Variants in NIBAN2 observed in about 807,000 individuals in gnomAD.
NIBAN2 encodes protein Niban 2.
In NIBAN2, 36 loss-of-function variants were observed where a neutral mutation model predicts 81.8. That is an observed-to-expected ratio of 0.44 (90% CI 0.34 to 0.58). The LOEUF is 0.58. Ranked by LOEUF, NIBAN2 falls within the 20% of genes least tolerant of loss-of-function variation. NIBAN2 has a pLI of 0.02. For missense variants in NIBAN2, 897 were observed against 1,014.1 expected (o/e 0.88, Z 1.57); for synonymous variants, 445 against 441.6 (o/e 1.01, Z -0.10).
chr9:127,558,213 G>T (rs1021934644), intron 1 of NIBAN2, among the ~76,000 whole-genome samples: 3 of 152,196 alleles, frequency 2.0e-5, no homozygotes, highest in Non-Finnish European at 2.9e-5. Flanking sequence ...CACAGGGCTT[G>T]CTTCTCTCCC....
chr9:127,517,809 AGCCCGTCTGGCCTCACCT>A lies in NIBAN2; in HGVS notation c.704_705+16del. The A allele has an allele frequency of 6.2e-7, 1 of 1,600,490 alleles. No individual in the cohort carries two copies. Among genetic ancestry groups the A allele is most frequent in the Non-Finnish European group, 8.6e-7 (1 of 1,169,220 alleles). On this transcript the variant is annotated splice_donor_variant and splice_donor_5th_base_variant and coding_sequence_variant and intron_variant, in exon 6 of 14. Transcript: ENST00000373312. LOFTEE classifies it high-confidence loss of function. The surrounding 1 kb of genome is among the most constrained non-coding windows in gnomAD (Gnocchi z 4.0). ...GGGTGACTTCTGAGGTTTCCTCACCAGCCCGTCTGGCCTCACCTGCACCTCGTTCCCACACAGCATCTC... is the reference window on the plus strand; with the variant it reads ...GGGTGACTTCTGAGGTTTCCTCACCAGCACCTCGTTCCCACACAGCATCTC...
intron 1 of NIBAN2, among the ~76,000 whole-genome samples, chr9:127,565,807 G>A (rs1417057074): frequency 7.1e-6 from 1 of 139,924 alleles, no homozygotes; most frequent in Non-Finnish European, 1.6e-5. Flanking sequence ...AAAAAAAGAT[G>A]TTAGTTCATG....
At chr9:127,562,064 G>A (rs1487615507) in intron 1 of NIBAN2, among the ~76,000 whole-genome samples, 1 of 152,178 alleles carries the variant, frequency 6.6e-6, no homozygotes, top group African/African-American at 2.4e-5. Flanking sequence ...GGAGGGGGGC[G>A]CAGGGACGGA....
At position 127,523,791 on chromosome 9, in the gene NIBAN2, C is replaced by A. The variant is rs528460174; in HGVS notation, c.477G>T (p.Pro159=). ...GCGCATAAGGATGCCAGAGGATGAG[C>A]GGGAACTGTGTGGGGCACTTGAGGA... ...APILKCPTQF[P]LILWHPYARH... Residue 159 remains proline, a synonymous_variant, in exon 5 of 14, where the codon CCG becomes CCT. Coordinates refer to ENST00000373312, the MANE Select transcript of NIBAN2 (RefSeq NM_022833.4). 1.7e-5 allele frequency: 28 copies of A among 1,613,906 alleles called. No homozygotes were observed. The highest frequency in any genetic ancestry group is 1.6e-4 in the Middle Eastern group (1 of 6,082).
chr9:127,562,981 C>G (rs1837798157), intron 1 of NIBAN2, among the ~76,000 whole-genome samples: 1 of 152,176 alleles, frequency 6.6e-6, no homozygotes, highest in African/African-American at 2.4e-5. Context: ...ATGATCGACA[C>G]AGATGGGAAG....
chr9:127,524,916 G>A (rs1837031236), intron 4 of NIBAN2, 142 bp downstream of exon 4: 6 of 624,322 alleles, frequency 9.6e-6, no homozygotes, highest in Non-Finnish European at 1.7e-5. Flanking sequence ...GGCAAACAAT[G>A]AGGTCTCCAT....
chr9:127,517,984 C>A lies in NIBAN2; in HGVS notation c.590-43G>T, dbSNP rs1319329109. 2.9e-6 allele frequency: 4 copies of A among 1,365,128 alleles called. No homozygotes were observed. The South Asian group carries it at 5.4e-5, about 19-fold the overall frequency. 84.6% of individuals were successfully genotyped at this position (1,365,128 alleles called of 1,614,324 possible). ...GGAGAGAGGAGGTCAGCAGATGGCC[C>A]AGTGGCCTCTACCAAGACCAACTGA... On this transcript the variant is annotated intron_variant, in intron 5 of 13. Coordinates refer to ENST00000373312, the MANE Select transcript of NIBAN2 (RefSeq NM_022833.4). This position sits in a 1 kb window ranked among gnomAD's most constrained non-coding sequence, Gnocchi z 4.0.
chr9:127,578,030 A>G (rs572532509), intron 1 of NIBAN2, among the ~76,000 whole-genome samples: 1 of 151,910 alleles, frequency 6.6e-6, no homozygotes, highest in East Asian at 1.9e-4. Flanking sequence ...CTCTACTAAA[A>G]ACACAAAAAA....
Position 127,508,307 on chromosome 9 carries a change from A to G in NIBAN2, c.1435-107T>C, listed in dbSNP as rs1836654604. On this transcript the variant is annotated intron_variant, in intron 11 of 13. Coordinates refer to ENST00000373312, the MANE Select transcript of NIBAN2 (RefSeq NM_022833.4). This position sits in a 1 kb window ranked among gnomAD's most constrained non-coding sequence, Gnocchi z 6.4. ...CCCAAGCCTCCGAGTCCTCATCCGC[A>G]CAAGAGGACCATGGCGCCTCCTTGC... 2 of 1,308,996 alleles carry G rather than the reference A, an allele frequency of 1.5e-6. No individual in the cohort carries two copies. The highest frequency in any genetic ancestry group is 1.1e-6 in the Non-Finnish European group (1 of 915,904). 81.1% of individuals were successfully genotyped at this position (1,308,996 alleles called of 1,614,324 possible).
At chr9:127,573,180 G>T (rs1475448784), upstream of NIBAN2, among the ~76,000 whole-genome samples, 2 of 152,214 alleles carry the variant, frequency 1.3e-5, no homozygotes, top group Non-Finnish European at 2.9e-5. Flanking sequence ...AAGGAAGCAA[G>T]GTGAGTCCTT....
intron 1 of NIBAN2, among the ~76,000 whole-genome samples, chr9:127,567,247 C>T (rs375755792): frequency 3.3e-5 from 5 of 152,136 alleles, no homozygotes; most frequent in Non-Finnish European, 7.4e-5. Context: ...CCAGGCCCCT[C>T]GAGGGGCCTC....
At chr9:127,515,395 C>T (rs1836807753) in intron 8 of NIBAN2, among the ~76,000 whole-genome samples, 1 of 152,032 alleles carries the variant, frequency 6.6e-6, no homozygotes. Context: ...GTGGCGGGCG[C>T]CTGTAGTCCC....
intron 1 of NIBAN2, among the ~76,000 whole-genome samples, chr9:127,577,777 T>C (rs1479947725): frequency 1.3e-5 from 2 of 152,080 alleles, no homozygotes; most frequent in Non-Finnish European, 2.9e-5. Flanking sequence ...GTGCAGTGAG[T>C]TGATCATGGC....
chr9:127,506,707 G>A lies in NIBAN2; in HGVS notation c.*138C>T, dbSNP rs1413903085. The A allele has an allele frequency of 1.4e-5, 9 of 656,206 alleles. No homozygotes were observed. The highest frequency in any genetic ancestry group is 1.9e-5 in the Non-Finnish European group (8 of 413,734). The allele number at this position is 656,206 out of a possible 1,614,324, so 40.6% of individuals were successfully genotyped here. A position where few individuals can be genotyped will look rare whatever the true frequency, so the allele number is the denominator to read the frequency against. Reference sequence around the variant, plus strand: ...CCAATAAAGTGACTCAGGTGGGCCCGCTCCCTGGCGGTGCCACACAGCCCT... The same window carrying A: ...CCAATAAAGTGACTCAGGTGGGCCCACTCCCTGGCGGTGCCACACAGCCCT... On this transcript the variant is annotated 3_prime_UTR_variant, in exon 14 of 14. Coordinates refer to ENST00000373312, the MANE Select transcript of NIBAN2 (RefSeq NM_022833.4).
At chr9:127,521,257 G>A (rs575193004) in intron 5 of NIBAN2, among the ~76,000 whole-genome samples, 1 of 152,310 alleles carries the variant, frequency 6.6e-6, no homozygotes, top group African/African-American at 2.4e-5. Flanking sequence ...ACTGCTCGAG[G>A]CTACTCAGCT....
intron 1 of NIBAN2, among the ~76,000 whole-genome samples, chr9:127,555,456 C>T (rs1167712768): frequency 6.6e-6 from 1 of 152,262 alleles, no homozygotes; most frequent in Non-Finnish European, 1.5e-5. Context: ...AGGCTAAAAC[C>T]CCGAAGCCAG....
intron 1 of NIBAN2, among the ~76,000 whole-genome samples, chr9:127,555,788 T>C (rs1305364297): frequency 1.3e-5 from 2 of 152,236 alleles, no homozygotes; most frequent in African/African-American, 2.4e-5. Context: ...TGGCCATTTC[T>C]TTATAGCAAT....
At chr9:127,550,336 C>A (rs1460504547) in intron 1 of NIBAN2, among the ~76,000 whole-genome samples, 4 of 152,236 alleles carry the variant, frequency 2.6e-5, no homozygotes, top group African/African-American at 9.7e-5. Context: ...ATAGAACTGA[C>A]CTGAGTCCTA....
chr9:127,535,717 G>C (rs1236748143), intron 1 of NIBAN2, among the ~76,000 whole-genome samples: 1 of 152,100 alleles, frequency 6.6e-6, no homozygotes, highest in Non-Finnish European at 1.5e-5. Flanking sequence ...CTTGCTCTCA[G>C]AATTCAGGAG....
Sources: allele counts gnomAD v4.1 joint callset (sites outside exome capture counted in the v4.1 genomes callset), GRCh38; gene constraint gnomAD v4.1.1; non-coding constraint Gnocchi (gnomAD v3.1); transcripts MANE v1.5; gene names NCBI Gene and HGNC (gene_info 2026-07-23, HGNC 2026-07-21).